The following CELF1 variants were observed in gnomAD, a reference collection of about 807,000 sequenced individuals.
The protein encoded by CELF1 is CUGBP Elav-like family member 1.
A neutral mutation model predicts 61.8 loss-of-function variants in CELF1; 10 were observed. The ratio of observed to expected loss-of-function variants is 0.16; its 90% CI spans 0.10 to 0.27. The LOEUF (loss-of-function observed/expected upper bound fraction) is 0.27. Among genes scored for constraint, CELF1 ranks in the 10% least tolerant of loss-of-function variants. The pLI, the probability that CELF1 is intolerant of heterozygous loss-of-function variation, is 1.00. For missense variants in CELF1, 380 were observed against 639.1 expected (o/e 0.59, Z 4.37); for synonymous variants, 236 against 225.1 (o/e 1.05, Z -0.43).
intron 9 of CELF1, among the ~76,000 whole-genome samples, chr11:47,479,994 T>C (rs1458755783): frequency 2.0e-5 from 3 of 151,802 alleles, no homozygotes; most frequent in Non-Finnish European, 4.4e-5. Context: ...TCCAGGACAG[T>C]AGAGCCTGGC....
In CELF1 at chr11:47,558,872, TATATATA is replaced by T. The variant is rs917859644; in HGVS notation, c.-11+5472_-11+5478del. Among the ~76,000 whole-genome samples the T allele has an allele frequency of 3.0e-5, 4 of 132,302 alleles. No homozygotes were observed. The East Asian group carries it at 6.0e-4, about 20-fold the overall frequency. The allele number at this position is 132,302 out of a possible 152,430, so 86.8% of individuals were successfully genotyped here. ...TATATATATACAATATAATATAATG[TATATATA>T]ATATATAATTGTAGTCCCAGCTACA... On this transcript the variant is annotated intron_variant, in intron 2 of 3. Transcript: ENST00000525841.
At chr11:47,555,398 C>G (rs1258528442), upstream of CELF1, among the ~76,000 whole-genome samples, 2 of 152,092 alleles carry the variant, frequency 1.3e-5, no homozygotes, top group African/African-American at 4.8e-5. Flanking sequence ...TGAAGAGCAA[C>G]CAGAAGCTTT....
At chr11:47,544,014 T>G (rs1401362804) in intron 1 of CELF1, among the ~76,000 whole-genome samples, 1 of 152,184 alleles carries the variant, frequency 6.6e-6, no homozygotes, top group African/African-American at 2.4e-5. Flanking sequence ...ACTCTCAAAG[T>G]AGAAATAGTG....
intron 1 of CELF1, among the ~76,000 whole-genome samples, chr11:47,521,291 C>T (rs990146127): frequency 6.6e-6 from 1 of 152,140 alleles, no homozygotes; most frequent in Non-Finnish European, 1.5e-5. Context: ...TGAACTAGTA[C>T]AGTTGATGGT....
chr11:47,505,957 T>C (rs754669903), intron 1 of CELF1, among the ~76,000 whole-genome samples: 3 of 144,296 alleles, frequency 2.1e-5, no homozygotes, highest in Non-Finnish European at 4.6e-5. Flanking sequence ...AAAAAAAGTA[T>C]GTTGAACAAA....
chr11:47,549,298 C>G (rs1178119230), intron 1 of CELF1, among the ~76,000 whole-genome samples: 5 of 152,178 alleles, frequency 3.3e-5, no homozygotes. Flanking sequence ...ATCACTTGAT[C>G]CAGCAATCCC....
Position 47,486,789 on chromosome 11 carries a change from G to A in CELF1, c.352C>T (p.Pro118Ser), listed in dbSNP as rs1457287891. The change falls in exon 6 of 15, where the codon CCT becomes TCT. Residue 118 changes from proline (P) to serine (S), a missense_variant. Coordinates refer to ENST00000687097, the MANE Select transcript of CELF1 (RefSeq NM_001376376.1). ...CTGTCAGCAGGTTTCATCTGTATAG[G>A]GTGATGCATCTGAAAAGGAAAAATA... ...NMKVLPGMHH[P>S]IQMKPADSEK... 5 of 1,609,934 alleles carry A rather than the reference G, an allele frequency of 3.1e-6. No individual in the cohort carries two copies. The highest frequency in any genetic ancestry group is 4.3e-6 in the Non-Finnish European group (5 of 1,176,384).
intron 1 of CELF1, among the ~76,000 whole-genome samples, chr11:47,515,138 A>G (rs548386203): frequency 6.6e-6 from 1 of 152,368 alleles, no homozygotes; most frequent in Admixed American, 6.5e-5. Flanking sequence ...GGGCAGAATT[A>G]CTAACGCTTC....
intron 7 of CELF1, among the ~76,000 whole-genome samples, chr11:47,484,115 T>C (rs1356801451): frequency 6.6e-6 from 1 of 152,060 alleles, no homozygotes; most frequent in African/African-American, 2.4e-5. Flanking sequence ...ACAGGATCGT[T>C]TGAGTCCAGG....
intron 2 of CELF1, among the ~76,000 whole-genome samples, chr11:47,562,672 A>G (rs1598760040): frequency 6.6e-6 from 1 of 151,440 alleles, no homozygotes; most frequent in African/African-American, 2.4e-5. Context: ...GGATTGTTTG[A>G]GCCCAGGAGT....
chr11:47,561,117 A>G (rs1212552981), intron 2 of CELF1, among the ~76,000 whole-genome samples: 32 of 136,688 alleles, frequency 2.3e-4, no homozygotes, highest in Middle Eastern at 4.3e-3. Context: ...TAGCCTGGGC[A>G]ACAGAGTGAG....
At position 47,469,612 on chromosome 11, in the gene CELF1, T is replaced by C. The variant is rs894400958; in HGVS notation, c.*2618A>G. On this transcript the variant is annotated 3_prime_UTR_variant, in exon 15 of 15. Coordinates refer to ENST00000687097, the MANE Select transcript of CELF1 (RefSeq NM_001376376.1). ...CTTTGGCCTGGGGAAAGAACTGTGC[T>C]CAAGGGCAGTGCTACTGCTGTGCTA... 24 of 152,354 alleles carry C rather than the reference T, an allele frequency of 1.6e-4. No individual in the cohort carries two copies. The highest frequency in any genetic ancestry group is 5.5e-4 in the African/African-American group (23 of 41,450). 9.4% of individuals were successfully genotyped at this position (152,354 alleles called of 1,614,324 possible).
chr11:47,505,764 TAAAAATAC>T (rs2094439103), intron 1 of CELF1, among the ~76,000 whole-genome samples: 2 of 147,752 alleles, frequency 1.4e-5, no homozygotes, highest in Admixed American at 6.8e-5. Flanking sequence ...CTGTCTCTAC[TAAAAATAC>T]AAAAATACAA....
In CELF1 at chr11:47,552,668, C is replaced by T. The variant is rs146006611; in HGVS notation, c.-154+324G>A. 6.5e-4 allele frequency among the ~76,000 whole-genome samples: 99 copies of T among 152,304 alleles called. 1 individual carries two copies. The highest frequency in any genetic ancestry group is 2.3e-3 in the African/African-American group (97 of 41,586). On this transcript the variant is annotated intron_variant, in intron 1 of 14. Coordinates refer to ENST00000687097, the MANE Select transcript of CELF1 (RefSeq NM_001376376.1). ...AAAGACGAGGAAAACGGAGCTGGCC[C>T]TGGGCAGGGCACGAGGCCTCTGAGC...
intron 3 of CELF1, among the ~76,000 whole-genome samples, chr11:47,497,717 T>C (rs922605678): frequency 1.3e-5 from 2 of 152,206 alleles, no homozygotes; most frequent in South Asian, 2.1e-4. Flanking sequence ...AAAAACATGC[T>C]GGACACTTGT....
intron 1 of CELF1, among the ~76,000 whole-genome samples, chr11:47,534,998 T>C (rs992636067): frequency 6.6e-6 from 1 of 152,046 alleles, no homozygotes; most frequent in Non-Finnish European, 1.5e-5. Context: ...AAAAAAAAAT[T>C]TTTTTCCCTA....
At chr11:47,478,087 G>A (rs959314876) in intron 10 of CELF1, among the ~76,000 whole-genome samples, 6 of 152,092 alleles carry the variant, frequency 3.9e-5, no homozygotes, top group Non-Finnish European at 7.3e-5. Context: ...GGGGTGAGGG[G>A]TGGGGGGAGT....
intron 1 of CELF1, among the ~76,000 whole-genome samples, chr11:47,547,826 A>C (rs1442938942): frequency 1.3e-5 from 2 of 152,162 alleles, no homozygotes; most frequent in Non-Finnish European, 2.9e-5. Flanking sequence ...AGAATAAGAA[A>C]ATTCACAGAA....
Position 47,488,894 on chromosome 11 carries a change from C to T in CELF1, c.202G>A (p.Ala68Thr). The T allele has an allele frequency of 6.2e-7, 1 of 1,612,724 alleles. No individual in the cohort carries two copies. Among genetic ancestry groups the T allele is most frequent in the Non-Finnish European group, 8.5e-7 (1 of 1,179,542 alleles). Residue 68 changes from alanine to threonine, a missense_variant, in exon 4 of 15, where the codon GCT becomes ACT. Ala to Thr is a moderately conservative substitution (Grantham distance 58). Transcript: ENST00000687097. ...CTTAGGACGTTGATTTCATACACAGCACCATACTGTTCGAAGAGTTCCCGC... is the reference window on the plus strand; with the variant it reads ...CTTAGGACGTTGATTTCATACACAGTACCATACTGTTCGAAGAGTTCCCGC... ...DLRELFEQYG[A>T]VYEINVLRDR... is the part of the protein sequence containing the mutation.
Sources: allele counts gnomAD v4.1 joint callset (sites outside exome capture counted in the v4.1 genomes callset), GRCh38; gene constraint gnomAD v4.1.1; transcripts MANE v1.5; gene names NCBI Gene and HGNC (gene_info 2026-07-23, HGNC 2026-07-21).